The following PRRC2A variants were observed in gnomAD, a reference collection of about 807,000 sequenced individuals.
PRRC2A encodes proline rich coiled-coil 2A, also known as protein PRRC2A.
Under a neutral mutation model 224.6 loss-of-function variants are expected in PRRC2A, and 59 were observed. That is an observed-to-expected ratio of 0.26 (90% CI 0.21 to 0.33). The LOEUF (loss-of-function observed/expected upper bound fraction) is 0.33, where lower values mean the gene tolerates loss of function less well. Among genes scored for constraint, PRRC2A ranks in the 10% least tolerant of loss-of-function variants. The pLI is 1.00. For synonymous variants in PRRC2A, 1,194 were observed against 1,109.5 expected (o/e 1.08, Z -1.51); for missense variants, 3,095 against 2,880.7 (o/e 1.07, Z -1.70).
rs754701123 is a variant in PRRC2A, at chr6:31,635,189, C to T, written c.5218C>T (p.Arg1740Cys). 16 of 1,612,762 alleles carry T rather than the reference C, an allele frequency of 9.9e-6. 1 individual carries two copies. In the Admixed American group the frequency reaches 1.5e-4, roughly 15 times the overall value. ...CCCCATTGGCACAGAACGATCACAG[C>T]GTACAGACCGAGGCACAGAGCCTGG... ...PGPIGTERSQ[R>C]TDRGTEPGPI... Residue 1740 changes from arginine (R) to cysteine (C), a missense_variant, in exon 22 of 31, where the codon CGT becomes TGT. By Grantham distance (180) the Arg-to-Cys change is radical. This residue lies in a region of PRRC2A where 662 missense variants were observed against 609.5 expected (regional missense o/e 1.09). Coordinates refer to ENST00000376033, the MANE Select transcript of PRRC2A (RefSeq NM_004638.4).
rs1378722458 is a variant in PRRC2A at position 31,637,488 on chromosome 6, G to A, written c.6376G>A (p.Glu2126Lys). The A allele has an allele frequency of 1.3e-6, 2 of 1,573,626 alleles. No homozygotes were observed. Among genetic ancestry groups the A allele is most frequent in the Non-Finnish European group, 1.7e-6 (2 of 1,159,518 alleles). Residue 2126 changes from glutamate to lysine, a missense_variant, in exon 31 of 31, where the codon GAG becomes AAG. Glu to Lys is a moderately conservative substitution (Grantham distance 56). Coordinates refer to ENST00000376033, the MANE Select transcript of PRRC2A (RefSeq NM_004638.4). Reference protein sequence around the residue: ...DALRWIPKPWERTGPPPREGP... With the variant: ...DALRWIPKPWKRTGPPPREGP... ...CCTGCGCTGGATACCTAAGCCTTGG[G>A]AGCGGACAGGGCCGCCACCTCGAGA...
At chr6:31,623,138 A>G (rs747355488) in intron 2 of PRRC2A, 1 of 752,696 alleles carries the variant, frequency 1.3e-6, no homozygotes, top group East Asian at 2.5e-5. Flanking sequence ...ATTGGAGGAA[A>G]ATAAATGTGG....
At position 31,629,712 on chromosome 6, in the gene PRRC2A, T is replaced by C. The variant is rs754857878; in HGVS notation, c.2121T>C (p.Ala707=). ...PPPPKALYPG[A]LGRPPPMPPM... ...CCCCCAAGGCCCTGTACCCAGGTGC[T>C]CTGGGCCGGCCCCCACCCATGCCCC... Residue 707 remains alanine, a synonymous_variant, in exon 14 of 31, where the codon GCT becomes GCC. Coordinates refer to ENST00000376033, the MANE Select transcript of PRRC2A (RefSeq NM_004638.4). The C allele has an allele frequency of 2.6e-5, 40 of 1,544,042 alleles. No homozygotes were observed. Among genetic ancestry groups the C allele is most frequent in the South Asian group, 5.6e-5 (5 of 88,980 alleles).
Position 31,633,460 on chromosome 6 carries a change from A to G in PRRC2A, c.4401A>G (p.Gln1467=), listed in dbSNP as rs1388641445. Residue 1467 remains glutamine (Q), a synonymous_variant, in exon 17 of 31, where the codon CAA becomes CAG. Transcript: ENST00000376033. ...PSSSAVFRLD[Q]VIHSNPAGIQ... ...GTTCTGCTGTCTTCCGCCTGGACCA[A>G]GTTATCCACAGCAACCCTGCTGGCA... The G allele has an allele frequency of 8.1e-6, 13 of 1,613,036 alleles. No individual in the cohort carries two copies. The highest frequency in any genetic ancestry group is 1.1e-5 in the Non-Finnish European group (13 of 1,180,010).
At chr6:31,626,897 G>A in intron 10 of PRRC2A, 35 bp downstream of exon 10, 2 of 1,612,610 alleles carry the variant, frequency 1.2e-6, no homozygotes, top group Non-Finnish European at 1.7e-6. Flanking sequence ...AGAGGAGGGG[G>A]TCTTGGTTTG....
intron 9 of PRRC2A, 86 bp downstream of exon 9, chr6:31,626,248 A>T (rs1010893924): frequency 6.8e-7 from 1 of 1,465,872 alleles, no homozygotes; most frequent in African/African-American, 1.4e-5. Flanking sequence ...TGTGGGTGAA[A>T]GGCAGACATT....
intron 5 of PRRC2A, among the ~76,000 whole-genome samples, chr6:31,624,747 G>T (rs3130622): frequency 6.6e-6 from 1 of 152,112 alleles, no homozygotes; most frequent in East Asian, 1.9e-4. Context: ...TATTCTGTAG[G>T]GGGGTGAGTT....
At chr6:31,628,823 A>G in intron 12 of PRRC2A, 1 of 316,430 alleles carries the variant, frequency 3.2e-6, no homozygotes. Context: ...CCTGGGTGAC[A>G]GAGCAAGACT....
chr6:31,621,992 AAC>A (rs1378634680), intron 1 of PRRC2A, among the ~76,000 whole-genome samples: 1 of 152,206 alleles, frequency 6.6e-6, no homozygotes, highest in African/African-American at 2.4e-5. Flanking sequence ...CATATGGTAA[AAC>A]AGTATTTCAT....
intron 12 of PRRC2A, 115 bp from the exon 13 acceptor site, chr6:31,629,029 T>G: frequency 9.3e-7 from 1 of 1,078,028 alleles, no homozygotes; most frequent in Non-Finnish European, 1.4e-6. Flanking sequence ...AGAATAGATG[T>G]TGAATAGAAT....
Position 31,636,925 on chromosome 6 carries a change from G to T in PRRC2A, c.6127G>T (p.Ala2043Ser). 6.2e-7 allele frequency: 1 copy of T among 1,612,896 alleles called. No individual in the cohort carries two copies. Among genetic ancestry groups the T allele is most frequent in the Non-Finnish European group, 8.5e-7 (1 of 1,179,956 alleles). Residue 2043 changes from alanine (A) to serine (S), a missense_variant, in exon 28 of 31, where the codon GCT (alanine) becomes TCT (serine). This residue lies in a region of PRRC2A where 662 missense variants were observed against 609.5 expected (regional missense o/e 1.09). Transcript: ENST00000376033. The surrounding 1 kb of genome is among the most constrained non-coding windows in gnomAD (Gnocchi z 4.3). ...VLPSPARPFP[A>S]SLGRAELHPV... ...GCCTTCACCTGCCAGGCCCTTCCCCGCTAGCTTGGGGCGAGCAGAGGTAAG... is the reference window on the plus strand; with the variant it reads ...GCCTTCACCTGCCAGGCCCTTCCCCTCTAGCTTGGGGCGAGCAGAGGTAAG...
Position 31,636,874 on chromosome 6 carries a change from C to T in PRRC2A, c.6076C>T (p.Pro2026Ser). ...LQPPSLAVRP[P>S]PAPATRVLPS... ...GCCCCCCAGCCTGGCTGTGCGGCCCCCACCTGCTCCTGCTACTCGGGTGCT... is the reference window on the plus strand; with the variant it reads ...GCCCCCCAGCCTGGCTGTGCGGCCCTCACCTGCTCCTGCTACTCGGGTGCT... Residue 2026 changes from proline (P) to serine (S), a missense_variant, in exon 28 of 31, where the codon CCA becomes TCA. Pro to Ser is a moderately conservative substitution (Grantham distance 74, BLOSUM62 -1). Around this residue, in one of 8 missense-constraint regions of PRRC2A, gnomAD observed 662 missense variants for 609.5 expected, o/e 1.09. Transcript: ENST00000376033. This position sits in a 1 kb window ranked among gnomAD's most constrained non-coding sequence, Gnocchi z 4.3. 6.2e-7 allele frequency: 1 copy of T among 1,613,012 alleles called. No individual in the cohort carries two copies. Among genetic ancestry groups the T allele is most frequent in the Non-Finnish European group, 8.5e-7 (1 of 1,180,028 alleles).
rs755607250 is a variant in PRRC2A, at chr6:31,633,970, A to G, written c.4700A>G (p.Lys1567Arg). Residue 1567 changes from lysine to arginine, a missense_variant, in exon 18 of 31, where the codon AAA (lysine) becomes AGA (arginine). By Grantham distance (26) the Lys-to-Arg change is conservative. Coordinates refer to ENST00000376033, the MANE Select transcript of PRRC2A (RefSeq NM_004638.4). ...AAACGTCGGGAGCGGCCTCCCAGAAAACCAGAGCTGCTACAGGAGGTAAGG... is the reference window on the plus strand; with the variant it reads ...AAACGTCGGGAGCGGCCTCCCAGAAGACCAGAGCTGCTACAGGAGGTAAGG... ...PPKRRERPPR[K>R]PELLQEESLP... 1.2e-6 allele frequency: 2 copies of G among 1,604,434 alleles called. No homozygotes were observed. Among genetic ancestry groups the G allele is most frequent in the East Asian group, 2.2e-5 (1 of 44,812 alleles).
chr6:31,635,820 A>T (rs571108881), intron 24 of PRRC2A, 71 bp downstream of exon 24: 115 of 1,500,080 alleles, frequency 7.7e-5, no homozygotes, highest in Middle Eastern at 5.3e-4. Context: ...ATGTATTTAT[A>T]ATCAAGCCTT....
chr6:31,631,605 C>T lies in PRRC2A; in HGVS notation c.2932C>T (p.Pro978Ser), dbSNP rs2150519574. 1 of 1,541,312 alleles carries T rather than the reference C, an allele frequency of 6.5e-7. No homozygotes were observed. The highest frequency in any genetic ancestry group is 8.7e-7 in the Non-Finnish European group (1 of 1,149,072). ...CGAACAGGGGGATGAAACCCCCAAA[C>T]CCCCAAAGCCAGACCCACTCAAGAT... ...PLEQGDETPK[P>S]PKPDPLKITK... The change falls in exon 16 of 31, where the codon CCC (proline) becomes TCC (serine). Residue 978 changes from proline (P) to serine (S), a missense_variant. By Grantham distance (74) the Pro-to-Ser change is moderately conservative. This residue lies in a region of PRRC2A where 2,001 missense variants were observed against 1,764.9 expected (regional missense o/e 1.13). Transcript: ENST00000376033. The surrounding 1 kb of genome is among the most constrained non-coding windows in gnomAD (Gnocchi z 4.5).
chr6:31,625,053 C>G lies in PRRC2A; in HGVS notation c.464-118C>G. 8.5e-7 allele frequency: 1 copy of G among 1,176,110 alleles called. No homozygotes were observed. The highest frequency in any genetic ancestry group is 2.2e-5 in the Admixed American group (1 of 46,172). 72.9% of individuals were successfully genotyped at this position (1,176,110 alleles called of 1,614,324 possible). ...GACCTCGTGATCCGCCCGCCTCAGC[C>G]TCCCAGAGTGCTGGGATTACAGGCG... On this transcript the variant is annotated intron_variant, in intron 5 of 30. Transcript: ENST00000376033. This position sits in a 1 kb window ranked among gnomAD's most constrained non-coding sequence, Gnocchi z 4.1.
chr6:31,627,094 T>A lies in PRRC2A; in HGVS notation c.1186T>A (p.Ser396Thr). 6.2e-7 allele frequency: 1 copy of A among 1,614,050 alleles called. No homozygotes were observed. Among genetic ancestry groups the A allele is most frequent in the Non-Finnish European group, 8.5e-7 (1 of 1,180,004 alleles). ...TCCTAAGACGGCCTGGGCAGAAACC[T>A]CTCGGCCTCCAGAGACAGAGCCGGG... is the stretch of plus-strand genomic sequence containing the variant. Reference protein sequence around the residue: ...PTPKTAWAETSRPPETEPGPP... With the variant: ...PTPKTAWAETTRPPETEPGPP... The change falls in exon 11 of 31, where the codon TCT (serine) becomes ACT (threonine). Residue 396 changes from serine to threonine, a missense_variant. Ser to Thr is a moderately conservative substitution (Grantham distance 58). This residue lies in a region of PRRC2A where 2,001 missense variants were observed against 1,764.9 expected (regional missense o/e 1.13). Coordinates refer to ENST00000376033, the MANE Select transcript of PRRC2A (RefSeq NM_004638.4). The surrounding 1 kb of genome is among the most constrained non-coding windows in gnomAD (Gnocchi z 5.6).
Position 31,627,184 on chromosome 6 carries a change from C to T in PRRC2A, c.1276C>T (p.Pro426Ser), listed in dbSNP as rs1029003133. The T allele has an allele frequency of 1.9e-6, 3 of 1,606,180 alleles. No homozygotes were observed. The highest frequency in any genetic ancestry group is 1.3e-5 in the African/African-American group (1 of 74,698). ...HRGPAGNWGP[P>S]GDYPDRGGPP... ...GGGCCCCGCCGGGAACTGGGGCCCC[C>T]CTGGGGACTACCCAGTGAGTGTCTC... Residue 426 changes from proline to serine, a missense_variant, in exon 11 of 31, where the codon CCT becomes TCT. Physicochemically the swap from Pro to Ser is moderately conservative, Grantham distance 74 (BLOSUM62 -1). Transcript: ENST00000376033. The surrounding 1 kb of genome is among the most constrained non-coding windows in gnomAD (Gnocchi z 5.6).
rs1251654320 is a variant in PRRC2A at position 31,636,596 on chromosome 6, T to C, written c.5922T>C (p.Ala1974=). ...GGQSGFLPSG[A]PAQQMLLPMV... Reference sequence around the variant, plus strand: ...AAAGTGGCTTTCTCCCTTCAGGGGCTCCTGCCCAGCAGGTATATTGTATCT... The same window carrying C: ...AAAGTGGCTTTCTCCCTTCAGGGGCCCCTGCCCAGCAGGTATATTGTATCT... Residue 1974 remains alanine, a synonymous_variant, in exon 27 of 31, where the codon GCT becomes GCC. Coordinates refer to ENST00000376033, the MANE Select transcript of PRRC2A (RefSeq NM_004638.4). The surrounding 1 kb of genome is among the most constrained non-coding windows in gnomAD (Gnocchi z 4.3). The C allele has an allele frequency of 2.5e-6, 4 of 1,603,216 alleles. No homozygotes were observed. Among genetic ancestry groups the C allele is most frequent in the African/African-American group, 1.3e-5 (1 of 74,532 alleles).
Sources: gnomAD v4.1 joint callset for allele counts (sites outside exome capture counted in the v4.1 genomes callset) on GRCh38, gnomAD v4.1.1 for gene constraint, gnomAD v4.1.1 regional missense constraint, Gnocchi (gnomAD v3.1) non-coding constraint, MANE v1.5 for transcripts, NCBI Gene and HGNC (gene_info 2026-07-23, HGNC 2026-07-21) for gene names.